Variants in EML5 observed in about 807,000 individuals in gnomAD.
EML5 encodes EMAP like 5.
A neutral mutation model predicts 250.0 loss-of-function variants in EML5; 120 were observed. That is an observed-to-expected ratio of 0.48 (90% CI 0.41 to 0.56). The LOEUF is 0.56. EML5 is among the 20% of genes least tolerant of loss of function. The pLI, the probability that EML5 is intolerant of heterozygous loss-of-function variation, is 0.00. For synonymous variants in EML5, 771 were observed against 806.5 expected (o/e 0.96, Z 0.75); for missense variants, 2,006 against 2,437.6 (o/e 0.82, Z 3.73).
rs1272124301 is a variant in EML5, at chr14:88,663,187, A to G, written c.3410-68T>C. The G allele has an allele frequency of 7.5e-6, 8 of 1,069,242 alleles. 1 individual carries two copies. In the Admixed American group the frequency reaches 2.0e-4, roughly 27 times the overall value. The allele number at this position is 1,069,242 out of a possible 1,614,324, so 66.2% of individuals were successfully genotyped here. On this transcript the variant is annotated intron_variant, in intron 23 of 43. Transcript: ENST00000554922. ...TACAAATATATATACCATCAGTATG[A>G]TGTTTAAGTTTTATGGGAAAAAATC...
At chr14:88,703,532 A>T (rs1316089985) in intron 13 of EML5, among the ~76,000 whole-genome samples, 1 of 152,244 alleles carries the variant, frequency 6.6e-6, no homozygotes, top group East Asian at 1.9e-4. Flanking sequence ...TTGCACTTCA[A>T]AGAAACCCAA....
At chr14:88,790,393 A>G (rs1009280184) in intron 1 of EML5, among the ~76,000 whole-genome samples, 1 of 152,258 alleles carries the variant, frequency 6.6e-6, no homozygotes, top group African/African-American at 2.4e-5. Flanking sequence ...CAACTATACC[A>G]AAAGAAAGTC....
At chr14:88,759,685 T>TAAAAAAA (rs58676323) in intron 1 of EML5, among the ~76,000 whole-genome samples, 12,199 of 92,114 alleles carry the variant, frequency 0.13, 962 homozygotes, top group East Asian at 0.25. Context: ...CACCATCTCT[T>TAAAAAAA]AAAAAAAAAA....
intron 21 of EML5, among the ~76,000 whole-genome samples, chr14:88,671,329 A>ATGCTTC (rs1453028511): frequency 1.3e-5 from 2 of 152,180 alleles, no homozygotes; most frequent in Admixed American, 6.5e-5. Context: ...AGGAGAAATA[A>ATGCTTC]ACTCCTTTTT....
At chr14:88,719,401 T>C (rs1199389703) in intron 8 of EML5, among the ~76,000 whole-genome samples, 2 of 152,148 alleles carry the variant, frequency 1.3e-5, no homozygotes, top group Middle Eastern at 3.2e-3. Context: ...ATAAATAAAA[T>C]GACAATTTTA....
intron 11 of EML5, 108 bp from the exon 12 acceptor site, chr14:88,705,696 C>T (rs2093305264): frequency 1.3e-6 from 1 of 795,528 alleles, no homozygotes. Flanking sequence ...GGAGACAAGC[C>T]ATAAAACAAT....
chr14:88,722,065 T>C (rs1193348994), intron 8 of EML5, among the ~76,000 whole-genome samples: 5 of 152,310 alleles, frequency 3.3e-5, no homozygotes, highest in Admixed American at 2.0e-4. Context: ...CACATTGAGG[T>C]ACCATCTCAC....
chr14:88,733,764 G>C (rs531375270), intron 7 of EML5, among the ~76,000 whole-genome samples: 1 of 152,090 alleles, frequency 6.6e-6, no homozygotes, highest in Non-Finnish European at 1.5e-5. Flanking sequence ...GAAACAATTA[G>C]GTTGAGTCCC....
chr14:88,697,051 T>C (rs2093095586), intron 14 of EML5, 99 bp from the exon 15 acceptor site: 5 of 736,394 alleles, frequency 6.8e-6, no homozygotes, highest in Admixed American at 7.2e-5. Context: ...GCTTGACTTA[T>C]TTACCACAGA....
intron 21 of EML5, among the ~76,000 whole-genome samples, chr14:88,679,502 G>A (rs1487702141): frequency 6.6e-6 from 1 of 151,890 alleles, no homozygotes; most frequent in African/African-American, 2.4e-5. Flanking sequence ...GACCAGCCTG[G>A]CCAACATGGT....
Position 88,618,231 on chromosome 14 carries a change from G to C in EML5, c.5639C>G (p.Thr1880Ser). 1 of 1,613,304 alleles carries C rather than the reference G, an allele frequency of 6.2e-7. No homozygotes were observed. The highest frequency in any genetic ancestry group is 2.2e-5 in the East Asian group (1 of 44,852). The change falls in exon 41 of 44, where the codon ACT becomes AGT. Residue 1880 changes from threonine (T) to serine (S), a missense_variant. Coordinates refer to ENST00000554922, the MANE Select transcript of EML5 (RefSeq NM_183387.3). Reference sequence around the variant, plus strand: ...TTGTGAATATATAAGTATTTACCTAGTCCATGTAGCCCAAGTAATTCTGTC... The same window carrying C: ...TTGTGAATATATAAGTATTTACCTACTCCATGTAGCCCAAGTAATTCTGTC... ...AIDRITWATWTSILGDEVLGI... is the reference protein window; with the variant it reads ...AIDRITWATWSSILGDEVLGI...
At position 88,792,880 on chromosome 14, in the gene EML5, G is replaced by A. The variant is rs1015010559; in HGVS notation, c.-377C>T. ...GCTCCCAGCCCCGGTCACCTGCGGC[G>A]CTCGCGCCCCGCCGCGGCTTTGTAG... On this transcript the variant is annotated 5_prime_UTR_variant, in exon 1 of 44. Transcript: ENST00000554922. The surrounding 1 kb of genome is among the most constrained non-coding windows in gnomAD (Gnocchi z 6.9). The A allele has an allele frequency of 6.4e-4, 217 of 340,736 alleles. 2 individuals carry two copies. The highest frequency in any genetic ancestry group is 6.6e-5 in the Non-Finnish European group (16 of 240,676). 21.1% of individuals were successfully genotyped at this position (340,736 alleles called of 1,614,324 possible).
At chr14:88,653,539 A>G (rs1435952237) in intron 27 of EML5, among the ~76,000 whole-genome samples, 3 of 152,196 alleles carry the variant, frequency 2.0e-5, no homozygotes, top group Non-Finnish European at 2.9e-5. Context: ...CCTTTTCTGC[A>G]TCTATTGAGA....
chr14:88,701,919 A>C (rs1219628675), intron 14 of EML5, among the ~76,000 whole-genome samples: 1 of 152,178 alleles, frequency 6.6e-6, no homozygotes, highest in Admixed American at 6.5e-5. Context: ...ATCTATAAAC[A>C]TCATTTCTTC....
chr14:88,628,665 A>G (rs1249883352), intron 33 of EML5, among the ~76,000 whole-genome samples: 1 of 152,104 alleles, frequency 6.6e-6, no homozygotes, highest in African/African-American at 2.4e-5. Context: ...TGTTTTAAAA[A>G]TAGAGAAACA....
chr14:88,649,972 TTGA>T, intron 27 of EML5, 46 bp from the exon 28 acceptor site: 1 of 1,399,028 alleles, frequency 7.1e-7, no homozygotes, highest in Non-Finnish European at 9.5e-7. Context: ...CATATAAAAA[TTGA>T]TGATGAATAG....
chr14:88,746,855 C>A (rs766453402), intron 2 of EML5, among the ~76,000 whole-genome samples: 2 of 152,142 alleles, frequency 1.3e-5, no homozygotes, highest in African/African-American at 2.4e-5. Context: ...GGAGGCAACT[C>A]ATGAAGAGGG....
chr14:88,616,062 C>T, intron 43 of EML5, 80 bp downstream of exon 43: 1 of 1,488,638 alleles, frequency 6.7e-7, no homozygotes, highest in Non-Finnish European at 9.3e-7. Context: ...ATTTCATAAA[C>T]CAAAGCTGTA....
At chr14:88,726,161 C>CAAT (rs2140080439) in intron 8 of EML5, among the ~76,000 whole-genome samples, 1 of 152,158 alleles carries the variant, frequency 6.6e-6, no homozygotes, top group African/African-American at 2.4e-5. Flanking sequence ...TAAATAACAA[C>CAAT]AACAACAACA....
Sources: allele counts gnomAD v4.1 joint callset (sites outside exome capture counted in the v4.1 genomes callset), GRCh38; gene constraint gnomAD v4.1.1; non-coding constraint Gnocchi (gnomAD v3.1); transcripts MANE v1.5; gene names NCBI Gene and HGNC (gene_info 2026-07-23, HGNC 2026-07-21).